The following ATF1 variants were observed in gnomAD, a reference collection of about 807,000 sequenced individuals.
The protein encoded by ATF1 is activating transcription factor 1.
A neutral mutation model predicts 34.7 loss-of-function variants in ATF1; 16 were observed. The ratio of observed to expected loss-of-function variants is 0.46; its 90% CI spans 0.31 to 0.70. The LOEUF (loss-of-function observed/expected upper bound fraction) is 0.70, where lower values mean the gene tolerates loss of function less well. Ranked by LOEUF, ATF1 falls within the 30% of genes least tolerant of loss-of-function variation. ATF1 has a pLI of 0.05. For synonymous variants in ATF1, 105 were observed against 113.1 expected, an observed-to-expected ratio of 0.93 and a Z score of 0.46; for missense variants, 255 against 321.6, an observed-to-expected ratio of 0.79 and a Z score of 1.58.
In ATF1 at chr12:50,795,998, C is replaced by T; in HGVS notation, c.183C>T (p.Arg61=). The part of the protein sequence containing the change: ...SQKAHGILAR[R]PSYRKILKDL... The stretch of plus-strand genomic sequence containing the variant: ...AAGCCCACGGGATCCTAGCACGGCG[C>T]CCATCTTACAGGTGAGTACTCTCTT... Residue 61 remains arginine, a synonymous_variant, in exon 3 of 7, where the codon CGC becomes CGT. Transcript: ENST00000262053. 6.2e-7 allele frequency: 1 copy of T among 1,611,590 alleles called. No individual in the cohort carries two copies. The highest frequency in any genetic ancestry group is 8.5e-7 in the Non-Finnish European group (1 of 1,179,136).
chr12:50,801,472 G>T (rs1450963789), intron 3 of ATF1, among the ~76,000 whole-genome samples: 1 of 152,142 alleles, frequency 6.6e-6, no homozygotes, highest in East Asian at 1.9e-4. Flanking sequence ...TAAAGTGGAA[G>T]ATCAGCCAAT....
At chr12:50,788,120 G>C (rs1565907016) in intron 2 of ATF1, 1 of 420,588 alleles carries the variant, frequency 2.4e-6, no homozygotes, top group Non-Finnish European at 4.7e-6. Context: ...GTGATGGTCA[G>C]CTGTGTAAAA....
At chr12:50,814,820 CTTTT>C (rs35936124) in intron 6 of ATF1, among the ~76,000 whole-genome samples, 1 of 140,598 alleles carries the variant, frequency 7.1e-6, no homozygotes, top group Non-Finnish European at 1.5e-5. Context: ...ATACCTTCTA[CTTTT>C]TTTTTTTTTT....
intron 4 of ATF1, among the ~76,000 whole-genome samples, chr12:50,811,646 AAAAG>A (rs1941740467): frequency 6.6e-6 from 1 of 151,156 alleles, no homozygotes; most frequent in African/African-American, 2.4e-5. Context: ...AAAAAAAAAA[AAAAG>A]CCGGGCATCA....
chr12:50,819,319 G>A (rs982588964), intron 6 of ATF1, among the ~76,000 whole-genome samples: 1 of 152,118 alleles, frequency 6.6e-6, no homozygotes, highest in Non-Finnish European at 1.5e-5. Context: ...TGAGGTTCTA[G>A]AATAGGAAAA....
At chr12:50,806,301 C>G (rs1448048200) in intron 3 of ATF1, 3 of 382,126 alleles carry the variant, frequency 7.9e-6, no homozygotes, top group Non-Finnish European at 1.7e-5. Context: ...CACAACTTAT[C>G]CTGTTCCCAA....
chr12:50,796,921 A>G (rs1186899235), intron 3 of ATF1, among the ~76,000 whole-genome samples: 3 of 152,190 alleles, frequency 2.0e-5, no homozygotes, highest in Admixed American at 1.3e-4. Flanking sequence ...ACGTCAAACT[A>G]AAAAACGTGT....
intron 4 of ATF1, among the ~76,000 whole-genome samples, chr12:50,810,995 A>C (rs1283829222): frequency 6.6e-6 from 1 of 152,180 alleles, no homozygotes; most frequent in Non-Finnish European, 1.5e-5. Context: ...CATTACATTT[A>C]GGATCTGCCT....
intron 1 of ATF1, among the ~76,000 whole-genome samples, chr12:50,777,394 G>GA: frequency 6.6e-6 from 1 of 151,914 alleles, no homozygotes; most frequent in South Asian, 2.1e-4. Flanking sequence ...TATTTGAGGG[G>GA]AAAAAAAATT....
chr12:50,786,325 C>T (rs1432843059), intron 2 of ATF1, among the ~76,000 whole-genome samples: 2 of 152,184 alleles, frequency 1.3e-5, no homozygotes, highest in Non-Finnish European at 2.9e-5. Flanking sequence ...GGGCATGGCT[C>T]ACCTGTGGCA....
At chr12:50,800,826 G>A (rs769270411) in intron 3 of ATF1, among the ~76,000 whole-genome samples, 9 of 152,304 alleles carry the variant, frequency 5.9e-5, no homozygotes, top group South Asian at 2.1e-4. Context: ...ATGGCTGGGC[G>A]CGGTGGCTCA....
At chr12:50,818,431 A>C (rs535141126) in intron 6 of ATF1, among the ~76,000 whole-genome samples, 1 of 152,346 alleles carries the variant, frequency 6.6e-6, no homozygotes, top group East Asian at 1.9e-4. Context: ...GAAAAAAGAA[A>C]AAGAATGTTT....
intron 2 of ATF1, among the ~76,000 whole-genome samples, chr12:50,789,446 A>G (rs1172549190): frequency 6.6e-6 from 1 of 152,066 alleles, no homozygotes; most frequent in East Asian, 1.9e-4. Context: ...TTATAATGTA[A>G]GTGAACCAGT....
At chr12:50,782,687 C>CTTT (rs71086480) in intron 2 of ATF1, among the ~76,000 whole-genome samples, 14 of 102,496 alleles carry the variant, frequency 1.4e-4, no homozygotes, top group Non-Finnish European at 2.7e-4. Context: ...TGTGGCCAGC[C>CTTT]TTTTTTTTTT....
rs1406107333 is a variant in ATF1, at chr12:50,814,136, C to A, written c.455C>A (p.Ala152Glu). ...CAAGGTACAACTATTCTTCAGTATG[C>A]ACAGACCTCTGATGGACAGCAGATA... is the stretch of plus-strand genomic sequence containing the variant. The part of the protein sequence containing the change: ...TQQGTTILQY[A>E]QTSDGQQILV... Residue 152 changes from alanine to glutamate, a missense_variant, in exon 5 of 7, where the codon GCA (alanine) becomes GAA (glutamate). Around this residue, in one of 2 missense-constraint regions of ATF1, gnomAD observed 221 missense variants for 250.7 expected, o/e 0.88. Coordinates refer to ENST00000262053, the MANE Select transcript of ATF1 (RefSeq NM_005171.5). 6.2e-7 allele frequency: 1 copy of A among 1,614,208 alleles called. No individual in the cohort carries two copies. The highest frequency in any genetic ancestry group is 1.7e-5 in the Admixed American group (1 of 60,032).
At chr12:50,778,224 C>CTTTTT (rs71086479) in intron 1 of ATF1, among the ~76,000 whole-genome samples, 9 of 96,352 alleles carry the variant, frequency 9.3e-5, no homozygotes, top group South Asian at 3.8e-4. Flanking sequence ...CCATATTAAC[C>CTTTTT]TTTTTTTTTT....
chr12:50,774,548 C>T (rs142915290), intron 1 of ATF1, among the ~76,000 whole-genome samples: 3 of 152,140 alleles, frequency 2.0e-5, no homozygotes, highest in African/African-American at 7.2e-5. Context: ...AAAATGCATT[C>T]GTACATATAA....
chr12:50,818,494 A>C (rs543450680), intron 6 of ATF1, among the ~76,000 whole-genome samples: 1 of 152,358 alleles, frequency 6.6e-6, no homozygotes, highest in East Asian at 1.9e-4. Flanking sequence ...GTAAAAATAA[A>C]GTCTTTTTGT....
At position 50,764,230 on chromosome 12, in the gene ATF1, T is replaced by A. The variant is rs967191712; in HGVS notation, c.-84T>A. 6.7e-6 allele frequency: 1 copy of A among 149,264 alleles called. No individual in the cohort carries two copies. Among genetic ancestry groups the A allele is most frequent in the African/African-American group, 2.5e-5 (1 of 40,336 alleles). 9.2% of individuals were successfully genotyped at this position (149,264 alleles called of 1,614,324 possible). A position where few individuals can be genotyped will look rare whatever the true frequency, so the allele number is the denominator to read the frequency against. ...CCCGCTGCGTGAGGGGGTGGGGAAG[T>A]GGGTAGTGAATTCGGATCTACCTGG... On this transcript the variant is annotated 5_prime_UTR_variant, in exon 1 of 7. Transcript: ENST00000262053.
Sources: allele counts gnomAD v4.1 joint callset (sites outside exome capture counted in the v4.1 genomes callset), GRCh38; gene constraint gnomAD v4.1.1; regional missense constraint gnomAD v4.1.1; transcripts MANE v1.5; gene names NCBI Gene and HGNC (gene_info 2026-07-23, HGNC 2026-07-21).